Variants in INSYN2B observed in about 807,000 individuals in gnomAD.
INSYN2B encodes inhibitory synaptic factor family member 2B, also known as protein INSYN2B.
Under a neutral mutation model 41.2 loss-of-function variants are expected in INSYN2B, and 16 were observed. That is an observed-to-expected ratio of 0.39 (90% CI 0.26 to 0.59). INSYN2B has a LOEUF of 0.59. Ranked by LOEUF, INSYN2B falls within the 20% of genes least tolerant of loss-of-function variation. The pLI is 0.57. For missense variants in INSYN2B, 608 were observed against 646.4 expected (o/e 0.94, Z 0.64); for synonymous variants, 245 against 244.4 (o/e 1.00, Z -0.02).
chr5:169,889,615 G>A (rs531829648), intron 1 of INSYN2B, among the ~76,000 whole-genome samples: 26 of 152,110 alleles, frequency 1.7e-4, no homozygotes, highest in African/African-American at 3.9e-4. Context: ...TATCCTTTAC[G>A]CCAGGAGTCA....
rs2113510374 is a variant in INSYN2B at position 169,883,461 on chromosome 5, A to G, written c.438T>C (p.Ser146=). ...GNLSEQDIVS[S]DLAYLRLAQH... ...GAGCCAACCTTAAGTAGGCAAGGTCAGAAGACACAATGTCCTGTTCAGAGA... is the reference window on the plus strand; with the variant it reads ...GAGCCAACCTTAAGTAGGCAAGGTCGGAAGACACAATGTCCTGTTCAGAGA... The change falls in exon 2 of 4, where the codon TCT becomes TCC. Residue 146 remains serine (S), a synonymous_variant. Coordinates refer to ENST00000377365, the MANE Select transcript of INSYN2B (RefSeq NM_001129891.3). 6.4e-7 allele frequency: 1 copy of G among 1,551,708 alleles called. No individual in the cohort carries two copies. The highest frequency in any genetic ancestry group is 2.0e-5 in the Admixed American group (1 of 51,002).
chr5:169,941,494 C>T (rs999559969), intron 1 of INSYN2B, among the ~76,000 whole-genome samples: 1 of 152,122 alleles, frequency 6.6e-6, no homozygotes, highest in African/African-American at 2.4e-5. Flanking sequence ...GCAAAGGCCC[C>T]ATGGAACCAG....
At chr5:169,940,881 T>C (rs1004715658) in intron 1 of INSYN2B, among the ~76,000 whole-genome samples, 5 of 152,134 alleles carry the variant, frequency 3.3e-5, no homozygotes, top group Admixed American at 3.3e-4. Context: ...GGACCCCAGA[T>C]CTAGTGGGTA....
intron 1 of INSYN2B, among the ~76,000 whole-genome samples, chr5:169,906,674 A>G (rs1241195113): frequency 2.0e-5 from 3 of 152,102 alleles, no homozygotes; most frequent in Admixed American, 2.0e-4. Flanking sequence ...GATGAAAGTC[A>G]CATACCTGAG....
intron 1 of INSYN2B, among the ~76,000 whole-genome samples, chr5:169,922,619 G>A (rs1347852453): frequency 6.6e-6 from 1 of 152,208 alleles, no homozygotes; most frequent in Non-Finnish European, 1.5e-5. Context: ...TTCTAAGCTG[G>A]TGGAGTTACC....
Position 169,882,648 on chromosome 5 carries a change from T to C in INSYN2B, c.1251A>G (p.Gln417=). 1 of 1,552,068 alleles carries C rather than the reference T, an allele frequency of 6.4e-7. No homozygotes were observed. Among genetic ancestry groups the C allele is most frequent in the South Asian group, 1.2e-5 (1 of 84,060 alleles). ...GELCDLQGRL[Q]SVEESLHSNQ... ...TCGAGTGCAGAGATTCCTCCACAGA[T>C]TGCAGTCGGCCTTGGAGGTCGCAGA... The change falls in exon 2 of 4, where the codon CAA becomes CAG. Residue 417 remains glutamine, a synonymous_variant. Coordinates refer to ENST00000377365, the MANE Select transcript of INSYN2B (RefSeq NM_001129891.3).
intron 1 of INSYN2B, among the ~76,000 whole-genome samples, chr5:169,903,655 C>T (rs1174731708): frequency 6.6e-6 from 1 of 152,060 alleles, no homozygotes; most frequent in East Asian, 1.9e-4. Flanking sequence ...TTTTGTGGAA[C>T]TGATAGAAGT....
chr5:169,873,364 G>C (rs1258297789), intron 3 of INSYN2B, among the ~76,000 whole-genome samples: 1 of 152,202 alleles, frequency 6.6e-6, no homozygotes, highest in Non-Finnish European at 1.5e-5. Flanking sequence ...CATTTAAGCT[G>C]TGTTTGCTAT....
intron 1 of INSYN2B, among the ~76,000 whole-genome samples, chr5:169,938,427 T>C (rs768236870): frequency 6.6e-6 from 1 of 152,212 alleles, no homozygotes; most frequent in Non-Finnish European, 1.5e-5. Context: ...GTAGAGCCTA[T>C]TGCTCCTACG....
chr5:169,881,812 T>C (rs1387798182), intron 2 of INSYN2B, among the ~76,000 whole-genome samples: 2 of 152,328 alleles, frequency 1.3e-5, no homozygotes, highest in Non-Finnish European at 2.9e-5. Context: ...TTCTGATTCA[T>C]ACAGCAAACA....
At chr5:169,973,424 G>A (rs1359637103) in intron 1 of INSYN2B, among the ~76,000 whole-genome samples, 2 of 152,176 alleles carry the variant, frequency 1.3e-5, no homozygotes, top group African/African-American at 4.8e-5. Context: ...TGAATACCTA[G>A]TGTGTGCCAG....
chr5:169,875,225 G>A (rs144189363), intron 3 of INSYN2B: 121 of 456,612 alleles, frequency 2.6e-4, no homozygotes, highest in African/African-American at 2.3e-3. Flanking sequence ...ACCATTCCCA[G>A]GGAGCTTGCT....
Position 169,884,233 on chromosome 5 carries a change from G to T in INSYN2B, c.-335C>A, listed in dbSNP as rs1284102252. 5.1e-6 allele frequency: 1 copy of T among 194,324 alleles called. No homozygotes were observed. The highest frequency in any genetic ancestry group is 2.3e-5 in the African/African-American group (1 of 43,168). 12.0% of individuals were successfully genotyped at this position (194,324 alleles called of 1,614,324 possible). A position where few individuals can be genotyped will look rare whatever the true frequency, so the allele number is the denominator to read the frequency against. On this transcript the variant is annotated 5_prime_UTR_variant, in exon 2 of 4. Transcript: ENST00000377365. ...GTTTATCAAGGGAGGCTGGCACGCG[G>T]TTCTGATCTTGGAAGAAGCTGGCTG...
At chr5:169,939,546 A>G (rs980520548) in intron 1 of INSYN2B, among the ~76,000 whole-genome samples, 4 of 152,028 alleles carry the variant, frequency 2.6e-5, no homozygotes, top group African/African-American at 9.7e-5. Context: ...TATGTGCTGT[A>G]TGTAATTGTG....
At chr5:169,869,900 G>C (rs1771843597) in intron 3 of INSYN2B, among the ~76,000 whole-genome samples, 1 of 152,162 alleles carries the variant, frequency 6.6e-6, no homozygotes, top group South Asian at 2.1e-4. Context: ...CACATATGCT[G>C]TATATTCCAT....
chr5:169,874,644 A>G (rs938051843), intron 3 of INSYN2B, among the ~76,000 whole-genome samples: 3 of 152,068 alleles, frequency 2.0e-5, no homozygotes, highest in African/African-American at 7.2e-5. Flanking sequence ...GGCCCACCAG[A>G]GGGCCGTTCT....
rs1773973392 is a variant in INSYN2B, at chr5:169,902,307, C to T, written c.-918-17491G>A. ...CACTTGGTGGTGACTGTGGACGAGG[C>T]CATCTTTTTAAGGCTGTGCTATTTT... On this transcript the variant is annotated intron_variant, in intron 1 of 3. Coordinates refer to ENST00000377365, the MANE Select transcript of INSYN2B (RefSeq NM_001129891.3). Among the ~76,000 whole-genome samples, 4 of 152,282 alleles carry T rather than the reference C, an allele frequency of 2.6e-5. No individual in the cohort carries two copies. In the South Asian group the frequency reaches 8.3e-4, roughly 32 times the overall value.
At chr5:169,967,977 G>A (rs1011707050) in intron 1 of INSYN2B, among the ~76,000 whole-genome samples, 1 of 152,178 alleles carries the variant, frequency 6.6e-6, no homozygotes, top group Non-Finnish European at 1.5e-5. Flanking sequence ...AGGAAGAAAG[G>A]TCTGAGAGGG....
At chr5:169,869,817 C>T (rs72842507) in intron 3 of INSYN2B, among the ~76,000 whole-genome samples, 15,135 of 152,194 alleles carry the variant, frequency 0.099, 928 homozygotes, top group Admixed American at 0.17. Context: ...CTTTTCTGAC[C>T]TCACCTCGCT....
Sources: allele counts gnomAD v4.1 joint callset (sites outside exome capture counted in the v4.1 genomes callset), GRCh38; gene constraint gnomAD v4.1.1; transcripts MANE v1.5; gene names NCBI Gene and HGNC (gene_info 2026-07-23, HGNC 2026-07-21).